SSBP2: variants seen among roughly 807,000 people sequenced by gnomAD.
SSBP2 encodes the protein single stranded DNA binding protein 2, also known as single-stranded DNA-binding protein 2.
Under a neutral mutation model 61.8 loss-of-function variants are expected in SSBP2, and 17 were observed. That is an observed-to-expected ratio of 0.28 (90% CI 0.19 to 0.41). The LOEUF (loss-of-function observed/expected upper bound fraction) is 0.41. SSBP2 is among the 10% of genes least tolerant of loss of function. SSBP2 has a pLI of 1.00. For synonymous variants in SSBP2, 139 were observed against 141.3 expected (o/e 0.98, Z 0.12); for missense variants, 310 against 458.7 (o/e 0.68, Z 2.96).
At chr5:81,483,890 A>T (rs1386743648) in intron 6 of SSBP2, among the ~76,000 whole-genome samples, 1 of 152,182 alleles carries the variant, frequency 6.6e-6, no homozygotes, top group East Asian at 1.9e-4. Context: ...AATTAATTTA[A>T]TTAAAAATTT....
intron 1 of SSBP2, among the ~76,000 whole-genome samples, chr5:81,671,298 G>C (rs1042472881): frequency 1.3e-5 from 2 of 151,888 alleles, no homozygotes; most frequent in African/African-American, 2.4e-5. Flanking sequence ...TTTCCTCTGG[G>C]CATTAAGCCA....
intron 4 of SSBP2, among the ~76,000 whole-genome samples, chr5:81,530,247 A>G (rs1318770154): frequency 2.6e-5 from 4 of 152,106 alleles, no homozygotes; most frequent in African/African-American, 9.7e-5. Context: ...GAGTTAATAT[A>G]GATGAAGCAA....
intron 1 of SSBP2, among the ~76,000 whole-genome samples, chr5:81,737,347 T>C (rs1012120579): frequency 6.6e-6 from 1 of 151,244 alleles, no homozygotes; most frequent in African/African-American, 2.4e-5. Context: ...CTTCTCTCTA[T>C]GCTTCCTTTC....
At chr5:81,722,785 T>C (rs1005620083) in intron 1 of SSBP2, among the ~76,000 whole-genome samples, 2 of 151,916 alleles carry the variant, frequency 1.3e-5, no homozygotes, top group African/African-American at 4.8e-5. Flanking sequence ...GTATGTCTCT[T>C]CCCTTTAAGT....
chr5:81,562,846 G>A (rs1158648553), intron 4 of SSBP2, among the ~76,000 whole-genome samples: 1 of 151,524 alleles, frequency 6.6e-6, no homozygotes, highest in East Asian at 1.9e-4. Context: ...AACAAAATAT[G>A]TGCATGAGCT....
chr5:81,506,801 C>T lies in SSBP2; in HGVS notation c.372+6827G>A, dbSNP rs373945803. Among the ~76,000 whole-genome samples, 3 of 152,194 alleles carry T rather than the reference C, an allele frequency of 2.0e-5. No individual in the cohort carries two copies. The East Asian group carries it at 5.8e-4, about 29-fold the overall frequency. ...TATTTCCAGAAATAAACATCTATCT[C>T]CCAAAAACATTTAACCAGGACTTAT... On this transcript the variant is annotated intron_variant, in intron 5 of 16. Coordinates refer to ENST00000320672, the MANE Select transcript of SSBP2 (RefSeq NM_012446.5).
intron 4 of SSBP2, among the ~76,000 whole-genome samples, chr5:81,575,615 G>T (rs1349989341): frequency 6.6e-6 from 1 of 151,932 alleles, no homozygotes; most frequent in Non-Finnish European, 1.5e-5. Flanking sequence ...ACAGGAAACA[G>T]AAAATGAGAA....
intron 1 of SSBP2, among the ~76,000 whole-genome samples, chr5:81,668,243 A>T: frequency 1.0e-5 from 1 of 95,956 alleles, no homozygotes; most frequent in South Asian, 3.4e-4. Flanking sequence ...GCTTATATGG[A>T]AGTTTAAAAA....
chr5:81,574,145 A>C (rs1354886786), intron 4 of SSBP2, among the ~76,000 whole-genome samples: 1 of 152,178 alleles, frequency 6.6e-6, no homozygotes, highest in Non-Finnish European at 1.5e-5. Flanking sequence ...CATCTCTAAA[A>C]AAAACAAAAC....
chr5:81,730,148 T>A (rs1756158863), intron 1 of SSBP2, among the ~76,000 whole-genome samples: 1 of 152,220 alleles, frequency 6.6e-6, no homozygotes. Context: ...TTCATGAAAA[T>A]AAATCACAAG....
intron 1 of SSBP2, among the ~76,000 whole-genome samples, chr5:81,682,412 C>T (rs1752453838): frequency 6.6e-6 from 1 of 152,100 alleles, no homozygotes; most frequent in Non-Finnish European, 1.5e-5. Context: ...GTGGTCACAT[C>T]AACAGGCTGA....
chr5:81,564,333 G>A (rs966948517), intron 4 of SSBP2, among the ~76,000 whole-genome samples: 1 of 152,182 alleles, frequency 6.6e-6, no homozygotes, highest in African/African-American at 2.4e-5. Flanking sequence ...TGCCTTGAGA[G>A]TGCCTGCCTG....
At chr5:81,474,632 C>T (rs1765467207) in intron 6 of SSBP2, 70 bp from the exon 7 acceptor site, 1 of 1,108,330 alleles carries the variant, frequency 9.0e-7, no homozygotes, top group Non-Finnish European at 1.3e-6. Context: ...TTAACAATTT[C>T]CTTTTAAATG....
chr5:81,750,542 C>T (rs1238293034), intron 1 of SSBP2, among the ~76,000 whole-genome samples: 2 of 148,862 alleles, frequency 1.3e-5, no homozygotes, highest in South Asian at 4.2e-4. Flanking sequence ...GCCCCGACCC[C>T]GGCCGGCCCG....
At chr5:81,691,316 C>T (rs1302788357) in intron 1 of SSBP2, among the ~76,000 whole-genome samples, 1 of 151,442 alleles carries the variant, frequency 6.6e-6, no homozygotes, top group African/African-American at 2.4e-5. Flanking sequence ...AAACCTTTAC[C>T]CAGACTAAGA....
chr5:81,525,180 T>A (rs1259536794), intron 4 of SSBP2, among the ~76,000 whole-genome samples: 3 of 151,750 alleles, frequency 2.0e-5, no homozygotes, highest in Non-Finnish European at 2.9e-5. Context: ...AGGGCTCACA[T>A]TTTTTTAAAA....
chr5:81,607,862 T>A (rs979974609), intron 4 of SSBP2, among the ~76,000 whole-genome samples: 1 of 152,174 alleles, frequency 6.6e-6, no homozygotes, highest in Non-Finnish European at 1.5e-5. Flanking sequence ...TGCCTTGGGA[T>A]GCAGAGTTCG....
chr5:81,655,967 CA>C (rs1750170852), intron 1 of SSBP2, among the ~76,000 whole-genome samples: 1 of 152,156 alleles, frequency 6.6e-6, no homozygotes, highest in Non-Finnish European at 1.5e-5. Context: ...AGGAGGACCC[CA>C]CTTACTCTTT....
At chr5:81,601,743 A>T (rs1744385444) in intron 4 of SSBP2, among the ~76,000 whole-genome samples, 1 of 152,138 alleles carries the variant, frequency 6.6e-6, no homozygotes, top group East Asian at 1.9e-4. Flanking sequence ...GCATCTTCCT[A>T]ATTACAGCAT....
Sources: allele counts gnomAD v4.1 joint callset (sites outside exome capture counted in the v4.1 genomes callset), GRCh38; gene constraint gnomAD v4.1.1; transcripts MANE v1.5; gene names NCBI Gene and HGNC (gene_info 2026-07-23, HGNC 2026-07-21).